The following EFR3B variants were observed in gnomAD, a reference collection of about 807,000 sequenced individuals.
EFR3B encodes EFR3 homolog B, also known as protein EFR3 homolog B.
In EFR3B, 64 loss-of-function variants were observed where a neutral mutation model predicts 104.7. That is an observed-to-expected ratio of 0.61 (90% CI 0.50 to 0.75). The LOEUF (loss-of-function observed/expected upper bound fraction) is 0.75. Among genes scored for constraint, EFR3B ranks in the 30% least tolerant of loss-of-function variants. The pLI is 0.00. For synonymous variants in EFR3B, 385 were observed against 417.9 expected (o/e 0.92, Z 0.96); for missense variants, 750 against 1,078.5 (o/e 0.70, Z 4.27).
intron 5 of EFR3B, among the ~76,000 whole-genome samples, chr2:25,124,601 G>A (rs1274266390): frequency 6.6e-6 from 1 of 151,700 alleles, no homozygotes; most frequent in East Asian, 1.9e-4. Context: ...TTAGCCAGGC[G>A]TGGTGGCGGG....
intron 4 of EFR3B, among the ~76,000 whole-genome samples, chr2:25,120,034 G>T (rs1167844190): frequency 6.6e-6 from 1 of 152,082 alleles, no homozygotes; most frequent in Non-Finnish European, 1.5e-5. Flanking sequence ...GTTGTTTGGG[G>T]GTACTAGATT....
intron 17 of EFR3B, among the ~76,000 whole-genome samples, chr2:25,142,160 G>A (rs934253515): frequency 1.1e-4 from 17 of 151,450 alleles, no homozygotes; most frequent in African/African-American, 3.4e-4. Context: ...AATTTTGCCC[G>A]GGCTGGGCAC....
Position 25,042,085 on chromosome 2 carries a change from C to G in EFR3B, c.-228C>G. On this transcript the variant is annotated 5_prime_UTR_variant, in exon 1 of 23. Transcript: ENST00000403714. This position sits in a 1 kb window ranked among gnomAD's most constrained non-coding sequence, Gnocchi z 5.4. ...CCCGCCCCCTGCGCGCAGCAGTGCC[C>G]AGCAACCCGAGCGGAGGCGGCCGCT... 3.2e-6 allele frequency: 1 copy of G among 308,784 alleles called. No individual in the cohort carries two copies. The highest frequency in any genetic ancestry group is 5.8e-6 in the Non-Finnish European group (1 of 171,320). The allele number at this position is 308,784 out of a possible 1,614,324, so 19.1% of individuals were successfully genotyped here. A position where few individuals can be genotyped will look rare whatever the true frequency, so the allele number is the denominator to read the frequency against.
intron 3 of EFR3B, among the ~76,000 whole-genome samples, chr2:25,094,459 C>A (rs1051708154): frequency 6.6e-6 from 1 of 152,142 alleles, no homozygotes; most frequent in Non-Finnish European, 1.5e-5. Context: ...GAGCCACAAA[C>A]AAGCGACTTA....
intron 5 of EFR3B, among the ~76,000 whole-genome samples, chr2:25,125,477 G>A (rs912021798): frequency 1.3e-5 from 2 of 152,194 alleles, no homozygotes; most frequent in Non-Finnish European, 2.9e-5. Flanking sequence ...CCAGCTCAGG[G>A]TCTTGAATGT....
intron 4 of EFR3B, among the ~76,000 whole-genome samples, chr2:25,117,217 G>A (rs1669887178): frequency 6.6e-6 from 1 of 152,140 alleles, no homozygotes; most frequent in East Asian, 1.9e-4. Context: ...GCTCCCAGGC[G>A]TGGCTTCCCA....
intron 4 of EFR3B, 47 bp from the exon 5 acceptor site, chr2:25,121,626 A>G (rs1004985572): frequency 7.1e-6 from 11 of 1,549,824 alleles, no homozygotes; most frequent in Non-Finnish European, 9.6e-6. Context: ...AGTGAGAAGC[A>G]TGGTGGGTCA....
At chr2:25,148,870 T>C (rs1484305014) in intron 19 of EFR3B, among the ~76,000 whole-genome samples, 3 of 130,030 alleles carry the variant, frequency 2.3e-5, no homozygotes, top group Admixed American at 9.6e-5. Flanking sequence ...TGCAGTGAGC[T>C]GAGATCCCGC....
Position 25,131,663 on chromosome 2 carries a change from G to A in EFR3B, c.986-87G>A. The A allele has an allele frequency of 2.7e-6, 4 of 1,483,932 alleles. No individual in the cohort carries two copies. Among genetic ancestry groups the A allele is most frequent in the Non-Finnish European group, 3.6e-6 (4 of 1,110,918 alleles). 91.9% of individuals were successfully genotyped at this position (1,483,932 alleles called of 1,614,324 possible). A position where few individuals can be genotyped will look rare whatever the true frequency, so the allele number is the denominator to read the frequency against. On this transcript the variant is annotated intron_variant, in intron 9 of 22. Transcript: ENST00000403714. The surrounding 1 kb of genome is among the most constrained non-coding windows in gnomAD (Gnocchi z 7.6). ...GCAGAGGAAGCCCAGGCTGGAAGGG[G>A]GCGTGACCCTGCCCTGCCTGCGCGC...
chr2:25,042,669 T>A lies in EFR3B; in HGVS notation c.7+350T>A. 2 of 1,039,834 alleles carry A rather than the reference T, an allele frequency of 1.9e-6. No individual in the cohort carries two copies. Among genetic ancestry groups the A allele is most frequent in the Non-Finnish European group, 2.3e-6 (2 of 865,344 alleles). The allele number at this position is 1,039,834 out of a possible 1,614,324, so 64.4% of individuals were successfully genotyped here. On this transcript the variant is annotated intron_variant, in intron 1 of 22. Transcript: ENST00000403714. The surrounding 1 kb of genome is among the most constrained non-coding windows in gnomAD (Gnocchi z 5.4). The stretch of plus-strand genomic sequence containing the variant: ...CATTTGCGGAATTAACAAAAGCGGT[T>A]TGTGCCTGGGAGTTTTCTGTGGGAA...
chr2:25,091,454 C>G, intron 2 of EFR3B, 53 bp downstream of exon 2: 1 of 1,483,202 alleles, frequency 6.7e-7, no homozygotes, highest in Non-Finnish European at 9.0e-7. Context: ...GGCAGGGCCT[C>G]TGACGGGGGC....
intron 1 of EFR3B, among the ~76,000 whole-genome samples, chr2:25,045,588 C>T (rs1667691604): frequency 6.6e-6 from 1 of 151,944 alleles, no homozygotes; most frequent in Non-Finnish European, 1.5e-5. Context: ...TCAAGACCAG[C>T]CTGGCCAACA....
chr2:25,109,333 A>G (rs1230857714), intron 4 of EFR3B, among the ~76,000 whole-genome samples: 1 of 152,204 alleles, frequency 6.6e-6, no homozygotes, highest in East Asian at 1.9e-4. Flanking sequence ...CACACCCCCT[A>G]AGATGGCAAT....
chr2:25,138,777 G>A (rs1020091732), intron 15 of EFR3B, among the ~76,000 whole-genome samples: 3 of 152,168 alleles, frequency 2.0e-5, no homozygotes, highest in East Asian at 1.9e-4. Context: ...AGTGAAGGTC[G>A]CCACAGCTGG....
rs186955021 is a variant in EFR3B, at chr2:25,079,311, G to A, written c.8-12014G>A. Among the ~76,000 whole-genome samples the A allele has an allele frequency of 6.2e-4, 94 of 152,332 alleles. 2 individuals carry two copies. Among genetic ancestry groups the A allele is most frequent in the Admixed American group, 4.6e-3 (70 of 15,302 alleles). On this transcript the variant is annotated intron_variant, in intron 1 of 22. Coordinates refer to ENST00000403714, the MANE Select transcript of EFR3B (RefSeq NM_014971.2). ...AGGCTTCCAGCAAGGTGGCTGTGGC[G>A]AAGGAGAGCACAAGATGAACTTGGG...
intron 1 of EFR3B, chr2:25,080,022 C>A: frequency 2.2e-6 from 2 of 900,118 alleles, no homozygotes; most frequent in Non-Finnish European, 3.8e-6. Flanking sequence ...AATTTTAAGC[C>A]CACTGTCTGC....
At chr2:25,057,014 G>A (rs1668039780) in intron 1 of EFR3B, among the ~76,000 whole-genome samples, 1 of 152,176 alleles carries the variant, frequency 6.6e-6, no homozygotes, top group Non-Finnish European at 1.5e-5. Flanking sequence ...GGGTTTTCCA[G>A]CTCTTCTGTC....
rs552080859 is a variant in EFR3B at position 25,137,162 on chromosome 2, T to C, written c.1561-179T>C. 6.6e-6 allele frequency among the ~76,000 whole-genome samples: 1 copy of C among 152,228 alleles called. No homozygotes were observed. The highest frequency in any genetic ancestry group is 2.4e-5 in the African/African-American group (1 of 41,550). On this transcript the variant is annotated intron_variant, in intron 14 of 22. Transcript: ENST00000403714. This position sits in a 1 kb window ranked among gnomAD's most constrained non-coding sequence, Gnocchi z 4.7. ...TCACTGGAGCCCATCCTTCCCTACGTGAGCCTTCCTGTGTGTGTCTGCTTC... is the reference window on the plus strand; with the variant it reads ...TCACTGGAGCCCATCCTTCCCTACGCGAGCCTTCCTGTGTGTGTCTGCTTC...
At chr2:25,051,536 C>T (rs559221599) in intron 1 of EFR3B, among the ~76,000 whole-genome samples, 4 of 152,192 alleles carry the variant, frequency 2.6e-5, no homozygotes, top group South Asian at 2.1e-4. Flanking sequence ...TTTAATTCAC[C>T]GCATGGCCAT....
Sources: allele counts gnomAD v4.1 joint callset (sites outside exome capture counted in the v4.1 genomes callset), GRCh38; gene constraint gnomAD v4.1.1; non-coding constraint Gnocchi (gnomAD v3.1); transcripts MANE v1.5; gene names NCBI Gene and HGNC (gene_info 2026-07-23, HGNC 2026-07-21).